NRG1: variants seen among roughly 807,000 people sequenced by gnomAD.
The protein encoded by NRG1 is pro-neuregulin-1, membrane-bound isoform.
A neutral mutation model predicts 63.8 loss-of-function variants in NRG1; 18 were observed. The observed-to-expected ratio is 0.28, with a 90% CI of 0.19 to 0.42. The LOEUF (loss-of-function observed/expected upper bound fraction) is 0.42. NRG1 is among the 10% of genes least tolerant of loss of function. The probability of loss-of-function intolerance (pLI) is 1.00; values close to 1 mark genes in which losing one functional copy is unlikely to be tolerated. For missense variants in NRG1, 762 were observed against 814.7 expected, an observed-to-expected ratio of 0.94 and a Z score of 0.79; for synonymous variants, 302 against 301.3, an observed-to-expected ratio of 1.00 and a Z score of -0.02.
At chr8:31,833,194 T>C (rs1479925826) in intron 1 of NRG1, among the ~76,000 whole-genome samples, 1 of 152,218 alleles carries the variant, frequency 6.6e-6, no homozygotes, top group Admixed American at 6.5e-5. Flanking sequence ...AGGATAGTCT[T>C]CTGTGTTTTT....
chr8:31,652,119 C>T (rs76393676), intron 1 of NRG1, among the ~76,000 whole-genome samples: 2,796 of 152,224 alleles, frequency 0.018, 92 homozygotes, highest in African/African-American at 0.062. Flanking sequence ...GAGTAGTAGG[C>T]GCTGAGATAA....
At chr8:32,744,738 A>T in intron 7 of NRG1, among the ~76,000 whole-genome samples, 1 of 152,150 alleles carries the variant, frequency 6.6e-6, no homozygotes, top group East Asian at 1.9e-4. Flanking sequence ...TATAAATAAA[A>T]GCATTAAAAA....
intron 1 of NRG1, among the ~76,000 whole-genome samples, chr8:32,416,190 T>A (rs1245665880): frequency 6.6e-6 from 1 of 152,224 alleles, no homozygotes. Flanking sequence ...CTACCTTTAG[T>A]GTCATCATAA....
At chr8:31,806,093 T>A (rs1233409775) in intron 1 of NRG1, among the ~76,000 whole-genome samples, 1 of 152,162 alleles carries the variant, frequency 6.6e-6, no homozygotes, top group East Asian at 1.9e-4. Flanking sequence ...CAAATTATAT[T>A]TGATTATTAT....
At chr8:31,675,176 C>T (rs1199720279) in intron 1 of NRG1, among the ~76,000 whole-genome samples, 1 of 152,176 alleles carries the variant, frequency 6.6e-6, no homozygotes, top group African/African-American at 2.4e-5. Context: ...AACCCCATCT[C>T]TATTAAAAAT....
exon 12 of NRG1, chr8:32,764,464 CTTAAA>C (rs984782235): frequency 2.3e-6 from 3 of 1,316,766 alleles, no homozygotes; most frequent in African/African-American, 1.5e-5. Flanking sequence ...AGTATTCCAC[CTTAAA>C]TTAAACAATT....
chr8:32,386,360 C>A (rs1811027951), intron 1 of NRG1, among the ~76,000 whole-genome samples: 1 of 152,178 alleles, frequency 6.6e-6, no homozygotes, highest in Non-Finnish European at 1.5e-5. Flanking sequence ...AGTTAGACGA[C>A]CCAGACTTTC....
intron 1 of NRG1, among the ~76,000 whole-genome samples, chr8:32,550,009 GT>G (rs1291487040): frequency 6.6e-6 from 1 of 152,156 alleles, no homozygotes; most frequent in Non-Finnish European, 1.5e-5. Context: ...AGAAGTATTT[GT>G]CCCTTGCTGG....
chr8:31,706,026 C>CAG (rs1287581827), intron 1 of NRG1, among the ~76,000 whole-genome samples: 1 of 152,118 alleles, frequency 6.6e-6, no homozygotes, highest in Non-Finnish European at 1.5e-5. Flanking sequence ...ATAACAAGAG[C>CAG]AGTAAATTAA....
chr8:32,021,562 C>G (rs1382853876), intron 1 of NRG1, among the ~76,000 whole-genome samples: 1 of 152,116 alleles, frequency 6.6e-6, no homozygotes, highest in African/African-American at 2.4e-5. Flanking sequence ...GATCAAATTT[C>G]AATATGAGTT....
intron 1 of NRG1, among the ~76,000 whole-genome samples, chr8:32,393,035 G>A (rs1486288042): frequency 1.3e-5 from 2 of 152,094 alleles, no homozygotes; most frequent in Admixed American, 6.6e-5. Flanking sequence ...TCTTTTCAGA[G>A]ATTTCTGAGA....
At chr8:31,735,482 G>C (rs1247445469) in intron 1 of NRG1, among the ~76,000 whole-genome samples, 1 of 151,946 alleles carries the variant, frequency 6.6e-6, no homozygotes, top group Non-Finnish European at 1.5e-5. Flanking sequence ...TTTTGTATCT[G>C]TACAATATGA....
At chr8:31,983,366 G>A (rs1809495668) in intron 1 of NRG1, among the ~76,000 whole-genome samples, 1 of 151,914 alleles carries the variant, frequency 6.6e-6, no homozygotes, top group African/African-American at 2.4e-5. Flanking sequence ...CTGAACCTCA[G>A]GTCAATTAAC....
At chr8:32,042,072 C>T (rs1563715327) in intron 1 of NRG1, among the ~76,000 whole-genome samples, 1 of 152,088 alleles carries the variant, frequency 6.6e-6, no homozygotes. Context: ...AAAGAGAAAG[C>T]TGGTCAGAAC....
chr8:32,556,135 C>T (rs1249315433), intron 1 of NRG1, among the ~76,000 whole-genome samples: 3 of 152,162 alleles, frequency 2.0e-5, no homozygotes, highest in African/African-American at 7.2e-5. Flanking sequence ...TGAATATTGT[C>T]CATGTCATAC....
chr8:32,342,666 TA>T (rs1219364938), intron 1 of NRG1, among the ~76,000 whole-genome samples: 2 of 152,240 alleles, frequency 1.3e-5, no homozygotes, highest in African/African-American at 4.8e-5. Context: ...ATTCATAGCA[TA>T]AATTTTCTGT....
At chr8:32,220,752 C>G (rs964297110) in intron 1 of NRG1, among the ~76,000 whole-genome samples, 1 of 152,220 alleles carries the variant, frequency 6.6e-6, no homozygotes, top group African/African-American at 2.4e-5. Flanking sequence ...CCTCCCGGAG[C>G]TCCTCCGCGG....
At chr8:32,714,852 T>C (rs903406516) in intron 5 of NRG1, among the ~76,000 whole-genome samples, 1 of 152,154 alleles carries the variant, frequency 6.6e-6, no homozygotes, top group African/African-American at 2.4e-5. Context: ...CTTTGGCAAG[T>C]AGAGTGTTAG....
intron 1 of NRG1, among the ~76,000 whole-genome samples, chr8:31,924,273 C>T (rs1470378324): frequency 6.6e-6 from 1 of 151,854 alleles, no homozygotes; most frequent in Non-Finnish European, 1.5e-5. Context: ...GTCGCTTGAA[C>T]CCAGGAGGCA....
Sources: allele counts gnomAD v4.1 joint callset (sites outside exome capture counted in the v4.1 genomes callset), GRCh38; gene constraint gnomAD v4.1.1; transcripts MANE v1.5; gene names NCBI Gene and HGNC (gene_info 2026-07-23, HGNC 2026-07-21).